Variants in RNFT2 observed in about 807,000 individuals in gnomAD.
The protein encoded by RNFT2 is E3 ubiquitin-protein ligase RNFT2.
Under a neutral mutation model 53.0 loss-of-function variants are expected in RNFT2, and 36 were observed. The observed-to-expected ratio is 0.68, with a 90% CI of 0.52 to 0.90. The LOEUF (loss-of-function observed/expected upper bound fraction) is 0.90, where lower values mean the gene tolerates loss of function less well. Among genes scored for constraint, RNFT2 ranks in the 40% least tolerant of loss-of-function variants. The pLI is 0.00. For synonymous variants in RNFT2, 260 were observed against 253.2 expected (o/e 1.03, Z -0.26); for missense variants, 514 against 585.6 (o/e 0.88, Z 1.26).
intron 10 of RNFT2, among the ~76,000 whole-genome samples, chr12:116,841,952 TATATATAGAGAGAG>T (rs1298459863): frequency 7.7e-4 from 17 of 21,988 alleles, no homozygotes; most frequent in Admixed American, 1.9e-3. Context: ...TATATAAATA[TATATATAGAGAGAG>T]AGAGAGAGAG....
intron 6 of RNFT2, among the ~76,000 whole-genome samples, chr12:116,770,670 A>G (rs1055526060): frequency 6.6e-6 from 1 of 151,312 alleles, no homozygotes; most frequent in Admixed American, 6.6e-5. Context: ...CAATCTTCCC[A>G]CCTCAGACTC....
chr12:116,764,064 A>G (rs1872809017), intron 5 of RNFT2, among the ~76,000 whole-genome samples: 1 of 152,222 alleles, frequency 6.6e-6, no homozygotes, highest in African/African-American at 2.4e-5. Flanking sequence ...CCTGGATGGG[A>G]TTGGAGACTA....
intron 7 of RNFT2, among the ~76,000 whole-genome samples, chr12:116,799,565 T>C (rs1250210834): frequency 1.3e-5 from 2 of 151,434 alleles, no homozygotes; most frequent in Non-Finnish European, 3.0e-5. Flanking sequence ...ATGCAGTATT[T>C]ATAAGTTAGC....
intron 7 of RNFT2, among the ~76,000 whole-genome samples, chr12:116,805,694 G>A (rs1257736219): frequency 3.3e-5 from 5 of 152,116 alleles, no homozygotes; most frequent in South Asian, 2.1e-4. Flanking sequence ...GGCTGGTCTC[G>A]AACTCCTGGC....
chr12:116,770,972 G>A (rs541342479), intron 6 of RNFT2, among the ~76,000 whole-genome samples: 39 of 152,156 alleles, frequency 2.6e-4, no homozygotes, highest in African/African-American at 9.2e-4. Flanking sequence ...ATTTTTATTA[G>A]TAACATTTTG....
intron 7 of RNFT2, among the ~76,000 whole-genome samples, chr12:116,792,013 G>A (rs755704514): frequency 6.6e-5 from 10 of 152,068 alleles, no homozygotes; most frequent in Non-Finnish European, 1.3e-4. Flanking sequence ...TTATTAGACC[G>A]CGGTCCTTCC....
chr12:116,781,288 G>A (rs1467761401), intron 7 of RNFT2, among the ~76,000 whole-genome samples: 1 of 152,132 alleles, frequency 6.6e-6, no homozygotes, highest in Non-Finnish European at 1.5e-5. Context: ...GGGCTGACCT[G>A]CGCGAACTAT....
At position 116,750,071 on chromosome 12, in the gene RNFT2, G is replaced by A. The variant is rs747439789; in HGVS notation, c.314G>A (p.Gly105Asp). Residue 105 changes from glycine to aspartate, a missense_variant, in exon 4 of 11, where the codon GGC becomes GAC. By Grantham distance (94) the Gly-to-Asp change is moderately conservative. Transcript: ENST00000257575. Reference protein sequence around the residue: ...REEGGGRGEGGAYHHRQPHHH... With the variant: ...REEGGGRGEGDAYHHRQPHHH... ...GAAGGAGGGGGCCGGGGCGAGGGGG[G>A]CGCCTACCACCACCGCCAGCCCCAC... 5.2e-6 allele frequency: 8 copies of A among 1,546,384 alleles called. No homozygotes were observed. In the Admixed American group the frequency reaches 1.4e-4, roughly 26 times the overall value.
At chr12:116,791,329 G>A (rs1874221846) in intron 7 of RNFT2, among the ~76,000 whole-genome samples, 1 of 151,964 alleles carries the variant, frequency 6.6e-6, no homozygotes, top group Non-Finnish European at 1.5e-5. Flanking sequence ...TTTCTTTTTT[G>A]AGACGGAGTC....
In RNFT2 at chr12:116,749,903, T is replaced by C; in HGVS notation, c.146T>C (p.Leu49Pro). The change falls in exon 4 of 11, where the codon CTG (leucine) becomes CCG (proline). Residue 49 changes from leucine (L) to proline (P), a missense_variant. Leu to Pro is a moderately conservative substitution (Grantham distance 98). Coordinates refer to ENST00000257575, the MANE Select transcript of RNFT2 (RefSeq NM_001382266.1). Reference sequence around the variant, plus strand: ...GATGAAGGTGGCGTCTTTGAGAGTCTGAAGGCAGAGGCAGCCTCCCCACCA... The same window carrying C: ...GATGAAGGTGGCGTCTTTGAGAGTCCGAAGGCAGAGGCAGCCTCCCCACCA... ...SVDEGGVFESLKAEAASPPAL... is the reference protein window; with the variant it reads ...SVDEGGVFESPKAEAASPPAL... 1 of 1,587,798 alleles carries C rather than the reference T, an allele frequency of 6.3e-7. No individual in the cohort carries two copies. The highest frequency in any genetic ancestry group is 1.8e-5 in the Admixed American group (1 of 56,126).
At chr12:116,788,646 C>T (rs1200789091) in intron 7 of RNFT2, among the ~76,000 whole-genome samples, 1 of 152,154 alleles carries the variant, frequency 6.6e-6, no homozygotes, top group Admixed American at 6.6e-5. Context: ...GAAATGAATG[C>T]ATCCAGTTTG....
At chr12:116,766,792 A>C (rs1437106095) in intron 5 of RNFT2, 22 bp from the exon 6 acceptor site, 1 of 1,555,116 alleles carries the variant, frequency 6.4e-7, no homozygotes, top group Non-Finnish European at 8.7e-7. Flanking sequence ...TTGATATCAC[A>C]TATCTCTTGC....
At chr12:116,821,523 AG>A (rs1181543225) in intron 7 of RNFT2, among the ~76,000 whole-genome samples, 1 of 152,170 alleles carries the variant, frequency 6.6e-6, no homozygotes, top group African/African-American at 2.4e-5. Flanking sequence ...CTTTGTTTTC[AG>A]TTCCTTGTCC....
chr12:116,836,390 C>T, intron 10 of RNFT2, 108 bp downstream of exon 10: 4 of 892,250 alleles, frequency 4.5e-6, no homozygotes, highest in South Asian at 3.0e-5. Flanking sequence ...GGGGGCAATC[C>T]GGTTAAGACC....
At chr12:116,831,348 T>C (rs1420795372) in intron 7 of RNFT2, among the ~76,000 whole-genome samples, 1 of 152,204 alleles carries the variant, frequency 6.6e-6, no homozygotes, top group African/African-American at 2.4e-5. Context: ...TGTCAGAGGG[T>C]TCAGGATGTC....
chr12:116,816,170 ACATCT>A (rs1875652248), intron 7 of RNFT2, among the ~76,000 whole-genome samples: 2 of 152,194 alleles, frequency 1.3e-5, no homozygotes, highest in East Asian at 3.9e-4. Context: ...TTAATCATCA[ACATCT>A]TATAATTAGG....
intron 7 of RNFT2, among the ~76,000 whole-genome samples, chr12:116,818,688 G>A (rs951635184): frequency 6.6e-6 from 1 of 152,204 alleles, no homozygotes; most frequent in Non-Finnish European, 1.5e-5. Context: ...TCTGGGGAAG[G>A]TGGTGTCGAG....
At position 116,851,825 on chromosome 12, in the gene RNFT2, T is replaced by G. The variant is rs1334436082; in HGVS notation, c.*2377T>G. 2.5e-6 allele frequency: 3 copies of G among 1,210,552 alleles called. No individual in the cohort carries two copies. Among genetic ancestry groups the G allele is most frequent in the South Asian group, 1.3e-5 (1 of 77,578 alleles). The allele number at this position is 1,210,552 out of a possible 1,614,324, so 75.0% of individuals were successfully genotyped here. ...AAAGAAAGGTCAGCTTTGGCCCAGA[T>G]GTGGTTACCCCTTGGTCTCCTGTCT... On this transcript the variant is annotated 3_prime_UTR_variant, in exon 11 of 11. Coordinates refer to ENST00000257575, the MANE Select transcript of RNFT2 (RefSeq NM_001382266.1).
intron 7 of RNFT2, among the ~76,000 whole-genome samples, chr12:116,825,023 C>T (rs1876251285): frequency 1.3e-5 from 2 of 152,188 alleles, no homozygotes; most frequent in African/African-American, 2.4e-5. Flanking sequence ...CAGCTTGTCT[C>T]TCCTCCCCAT....
Sources: allele counts gnomAD v4.1 joint callset (sites outside exome capture counted in the v4.1 genomes callset), GRCh38; gene constraint gnomAD v4.1.1; transcripts MANE v1.5; gene names NCBI Gene and HGNC (gene_info 2026-07-23, HGNC 2026-07-21).